PRELID2: variants seen among roughly 807,000 people sequenced by gnomAD.
PRELID2 encodes the protein PRELI domain containing 2, also known as PRELI domain-containing protein 2.
Under a neutral mutation model 28.4 loss-of-function variants are expected in PRELID2, and 25 were observed. That is an observed-to-expected ratio of 0.88 (90% CI 0.64 to 1.23). PRELID2 has a LOEUF of 1.23. Ranked by LOEUF, PRELID2 falls within the 50% of genes most tolerant of loss-of-function variation. PRELID2 has a pLI of 0.00. For missense variants in PRELID2, 201 were observed against 214.4 expected (o/e 0.94, Z 0.39); for synonymous variants, 76 against 71.6 (o/e 1.06, Z -0.31).
At chr5:145,512,929 G>T (rs1464974420) in intron 1 of PRELID2, among the ~76,000 whole-genome samples, 2 of 152,080 alleles carry the variant, frequency 1.3e-5, no homozygotes, top group Non-Finnish European at 2.9e-5. Context: ...AAACAGAAAG[G>T]AATAGCATCA....
intron 1 of PRELID2, among the ~76,000 whole-genome samples, chr5:145,666,610 C>A (rs926491424): frequency 2.0e-5 from 3 of 152,186 alleles, no homozygotes; most frequent in Admixed American, 6.5e-5. Flanking sequence ...CGCTCAAGGA[C>A]AATAGAAGGA....
At chr5:145,444,835 T>G in the PRELID2 span, among the ~76,000 whole-genome samples, 1 of 152,022 alleles carries the variant, frequency 6.6e-6, no homozygotes, top group Non-Finnish European at 1.5e-5. Context: ...AAATACAAAG[T>G]TCATCTAAAG....
At chr5:145,290,028 T>C in the PRELID2 span, among the ~76,000 whole-genome samples, 956 of 152,194 alleles carry the variant, frequency 6.3e-3, 8 homozygotes, top group Non-Finnish European at 7.2e-3. Context: ...ATCAGAGAAA[T>C]GCAAATCAAA....
Position 145,552,248 on chromosome 5 carries a change from G to A in PRELID2, n.71-78933C>T, listed in dbSNP as rs1245335297. On this transcript the variant is annotated intron_variant and non_coding_transcript_variant, in intron 1 of 2. Transcript: ENST00000510259. ...ATTCATGAGTCATTTTACTGATTTT[G>A]GTCATTCATCATCCATGTGCTCTTT... is the stretch of plus-strand genomic sequence containing the variant. Among the ~76,000 whole-genome samples the A allele has an allele frequency of 2.0e-5, 3 of 151,870 alleles. No individual in the cohort carries two copies. In the East Asian group the frequency reaches 5.8e-4, roughly 29 times the overall value.
At chr5:145,235,060 A>G in the PRELID2 span, among the ~76,000 whole-genome samples, 3 of 152,182 alleles carry the variant, frequency 2.0e-5, no homozygotes, top group Admixed American at 2.0e-4. Context: ...CCATAATATT[A>G]TGATGCAGGA....
the PRELID2 span, among the ~76,000 whole-genome samples, chr5:145,248,570 A>G: frequency 4.7e-5 from 7 of 150,092 alleles, no homozygotes; most frequent in Admixed American, 6.6e-5. Flanking sequence ...CAAGGCAGGC[A>G]GATCAAAAGG....
intron 1 of PRELID2, among the ~76,000 whole-genome samples, chr5:145,627,040 C>T (rs1753856206): frequency 7.9e-6 from 1 of 125,984 alleles, no homozygotes; most frequent in Non-Finnish European, 1.6e-5. Flanking sequence ...GCAGAGGTTG[C>T]AATAAGCTGA....
the PRELID2 span, among the ~76,000 whole-genome samples, chr5:145,239,257 A>T: frequency 6.6e-6 from 1 of 152,076 alleles, no homozygotes; most frequent in Non-Finnish European, 1.5e-5. Context: ...AATACTAATG[A>T]GCAATTAAAT....
At chr5:145,632,717 T>G (rs1012433947) in intron 1 of PRELID2, among the ~76,000 whole-genome samples, 1 of 152,158 alleles carries the variant, frequency 6.6e-6, no homozygotes, top group Admixed American at 6.6e-5. Context: ...TCTATAATCA[T>G]CTCCCTTGAG....
rs191197709 is a variant in PRELID2 at position 145,809,578 on chromosome 5, T to C, written c.368+8316A>G. On this transcript the variant is annotated intron_variant, in intron 4 of 6. Coordinates refer to ENST00000683046, the MANE Select transcript of PRELID2 (RefSeq NM_205846.3). ...CTGGGATTACAGGCATGAGCCACTGTGCCCAGCCTGGCTGAGCATTTTTAA... is the reference window on the plus strand; with the variant it reads ...CTGGGATTACAGGCATGAGCCACTGCGCCCAGCCTGGCTGAGCATTTTTAA... Among the ~76,000 whole-genome samples, 732 of 152,380 alleles carry C rather than the reference T, an allele frequency of 4.8e-3. 2 individuals are homozygous for C. Among genetic ancestry groups the C allele is most frequent in the African/African-American group, 0.017 (702 of 41,596 alleles).
intron 1 of PRELID2, among the ~76,000 whole-genome samples, chr5:145,524,343 C>T (rs777025125): frequency 2.5e-4 from 38 of 152,206 alleles, no homozygotes; most frequent in Non-Finnish European, 5.1e-4. Context: ...GAACAAGAAT[C>T]CGTGCGTGGC....
the PRELID2 span, among the ~76,000 whole-genome samples, chr5:145,329,723 C>A: frequency 6.6e-6 from 1 of 152,162 alleles, no homozygotes; most frequent in Non-Finnish European, 1.5e-5. Context: ...ATGTCATCTG[C>A]AAACAGAGAC....
At chr5:145,687,792 A>T (rs1755065520) in intron 1 of PRELID2, among the ~76,000 whole-genome samples, 1 of 152,198 alleles carries the variant, frequency 6.6e-6, no homozygotes, top group African/African-American at 2.4e-5. Flanking sequence ...CCTAACTTTA[A>T]ATCAATTAAA....
intron 1 of PRELID2, among the ~76,000 whole-genome samples, chr5:145,687,100 A>G (rs1490950585): frequency 6.6e-6 from 1 of 152,180 alleles, no homozygotes; most frequent in Non-Finnish European, 1.5e-5. Flanking sequence ...GACCAAGAAG[A>G]TCACCAGGTT....
At chr5:145,817,208 T>A (rs7719975) in intron 4 of PRELID2, among the ~76,000 whole-genome samples, 6,681 of 76,700 alleles carry the variant, frequency 0.087, 509 homozygotes, top group African/African-American at 0.11. Context: ...AATAAATAAA[T>A]AAATAAAAAA....
At chr5:145,816,272 G>A (rs1754302542) in intron 4 of PRELID2, among the ~76,000 whole-genome samples, 1 of 151,414 alleles carries the variant, frequency 6.6e-6, no homozygotes, top group African/African-American at 2.4e-5. Flanking sequence ...TAGTAGAGAC[G>A]GGATTTTGCC....
At chr5:145,704,580 GA>G (rs1409079873) in intron 1 of PRELID2, among the ~76,000 whole-genome samples, 1 of 152,156 alleles carries the variant, frequency 6.6e-6, no homozygotes, top group Non-Finnish European at 1.5e-5. Flanking sequence ...TAATGAAATA[GA>G]AAACTTTTGA....
chr5:145,298,392 G>A, the PRELID2 span, among the ~76,000 whole-genome samples: 1 of 152,104 alleles, frequency 6.6e-6, no homozygotes, highest in Admixed American at 6.6e-5. Flanking sequence ...TTTAATAAAT[G>A]GTGCTGGGAA....
chr5:145,834,050 G>T (rs546818437), intron 1 of PRELID2, among the ~76,000 whole-genome samples: 16 of 152,296 alleles, frequency 1.1e-4, no homozygotes, highest in African/African-American at 3.4e-4. Flanking sequence ...CCTATTATCA[G>T]GACCCACAAT....
Sources: gnomAD v4.1 joint callset for allele counts (sites outside exome capture counted in the v4.1 genomes callset) on GRCh38, gnomAD v4.1.1 for gene constraint, MANE v1.5 for transcripts, NCBI Gene and HGNC (gene_info 2026-07-23, HGNC 2026-07-21) for gene names.